TMEM38B: variants seen among roughly 807,000 people sequenced by gnomAD.
TMEM38B encodes trimeric intracellular cation channel type B.
In TMEM38B, 24 loss-of-function variants were observed where a neutral mutation model predicts 28.7. The ratio of observed to expected loss-of-function variants is 0.84; its 90% CI spans 0.61 to 1.18. The LOEUF is 1.18. Ranked by LOEUF, TMEM38B falls within the 50% of genes most tolerant of loss-of-function variation. The probability of loss-of-function intolerance (pLI) is 0.00; values close to 1 mark genes in which losing one functional copy is unlikely to be tolerated. For synonymous variants in TMEM38B, 131 were observed against 127.7 expected (o/e 1.03, Z -0.17); for missense variants, 380 against 350.9 (o/e 1.08, Z -0.66).
At chr9:105,712,817 C>G (rs1325878844) in intron 2 of TMEM38B, among the ~76,000 whole-genome samples, 1 of 152,232 alleles carries the variant, frequency 6.6e-6, no homozygotes, top group African/African-American at 2.4e-5. Flanking sequence ...CCACACCCCC[C>G]ACAGCCCACC....
chr9:105,703,907 C>T (rs1835549689), intron 1 of TMEM38B, among the ~76,000 whole-genome samples: 1 of 151,728 alleles, frequency 6.6e-6, no homozygotes, highest in South Asian at 2.1e-4. Context: ...TTGTTTTTTT[C>T]TTGTAAATTT....
chr9:105,764,867 C>T (rs1443048467), intron 5 of TMEM38B, among the ~76,000 whole-genome samples: 1 of 151,944 alleles, frequency 6.6e-6, no homozygotes, highest in Admixed American at 6.6e-5. Context: ...CAGCATGATA[C>T]TGTTACCAAA....
At position 105,756,169 on chromosome 9, in the gene TMEM38B, A is replaced by G. The variant is rs578246176; in HGVS notation, c.660+7979A>G. 4.6e-5 allele frequency among the ~76,000 whole-genome samples: 7 copies of G among 152,338 alleles called. No homozygotes were observed. The South Asian group carries it at 1.4e-3, about 32-fold the overall frequency. On this transcript the variant is annotated intron_variant, in intron 5 of 5. Coordinates refer to ENST00000374692, the MANE Select transcript of TMEM38B (RefSeq NM_018112.3). Reference sequence around the variant, plus strand: ...GTCTCAAAAAACAAATAAATAAATAATAAAATAGAAGGTAGATTCCTTAGG... The same window carrying G: ...GTCTCAAAAAACAAATAAATAAATAGTAAAATAGAAGGTAGATTCCTTAGG...
intron 4 of TMEM38B, among the ~76,000 whole-genome samples, chr9:105,723,981 G>A (rs575457003): frequency 2.3e-4 from 35 of 152,220 alleles, no homozygotes; most frequent in Middle Eastern, 3.4e-3. Context: ...GATTTTGGGC[G>A]TGTGCCACCA....
intron 1 of TMEM38B, among the ~76,000 whole-genome samples, chr9:105,696,313 A>C (rs1488947600): frequency 1.3e-5 from 2 of 152,092 alleles, no homozygotes; most frequent in Non-Finnish European, 2.9e-5. Flanking sequence ...TTTGAGACGG[A>C]GTCTCTCTGT....
chr9:105,716,374 T>TTGTGTGTG (rs139155061), intron 2 of TMEM38B, among the ~76,000 whole-genome samples: 5,793 of 150,684 alleles, frequency 0.038, 176 homozygotes, highest in Middle Eastern at 0.092. Flanking sequence ...GTTGTAGCAT[T>TTGTGTGTG]TGTGTGTGTG....
At chr9:105,706,072 G>A (rs145289337) in intron 2 of TMEM38B, among the ~76,000 whole-genome samples, 43 of 152,014 alleles carry the variant, frequency 2.8e-4, no homozygotes, top group Admixed American at 7.9e-4. Context: ...GCTAATTTTT[G>A]TATTTTTGTA....
intron 5 of TMEM38B, among the ~76,000 whole-genome samples, chr9:105,767,181 C>G (rs940352502): frequency 6.6e-6 from 1 of 151,530 alleles, no homozygotes; most frequent in African/African-American, 2.4e-5. Flanking sequence ...GAAGTTGTTA[C>G]AACACTGTTT....
At chr9:105,702,926 C>T (rs578082945) in intron 1 of TMEM38B, 1 of 152,208 alleles carries the variant, frequency 6.6e-6, no homozygotes, top group South Asian at 2.1e-4. Context: ...GCAATCCTCC[C>T]AGCTTGGCCT....
chr9:105,728,714 A>G (rs1041103615), intron 4 of TMEM38B, among the ~76,000 whole-genome samples: 4 of 151,796 alleles, frequency 2.6e-5, no homozygotes, highest in Admixed American at 1.3e-4. Context: ...CAGTGTTCCT[A>G]TTTCTCCACA....
At chr9:105,699,903 T>TG (rs1436108857) in intron 1 of TMEM38B, among the ~76,000 whole-genome samples, 6 of 152,204 alleles carry the variant, frequency 3.9e-5, no homozygotes, top group African/African-American at 1.4e-4. Flanking sequence ...GAATATGCTG[T>TG]TTTGGTGGTT....
chr9:105,751,448 T>C (rs1837647553), intron 5 of TMEM38B, among the ~76,000 whole-genome samples: 1 of 151,634 alleles, frequency 6.6e-6, no homozygotes, highest in South Asian at 2.1e-4. Context: ...CTGTGTGGAG[T>C]TTTGGCAGAG....
chr9:105,740,979 T>A (rs1837183367), intron 4 of TMEM38B, among the ~76,000 whole-genome samples: 1 of 148,404 alleles, frequency 6.7e-6, no homozygotes, highest in African/African-American at 2.6e-5. Context: ...TATGGGAACA[T>A]GTTCTTTGCA....
intron 2 of TMEM38B, among the ~76,000 whole-genome samples, chr9:105,718,340 G>A (rs1052311132): frequency 2.0e-5 from 3 of 151,808 alleles, no homozygotes; most frequent in African/African-American, 7.3e-5. Flanking sequence ...CTGGGTTCAA[G>A]TGATTCTCCT....
chr9:105,703,496 C>T (rs1157786054), intron 1 of TMEM38B, among the ~76,000 whole-genome samples: 5 of 152,162 alleles, frequency 3.3e-5, no homozygotes, highest in Non-Finnish European at 7.3e-5. Flanking sequence ...TGAATAATGC[C>T]GCAATAAACA....
intron 2 of TMEM38B, among the ~76,000 whole-genome samples, chr9:105,708,955 G>A (rs1236141377): frequency 6.8e-6 from 1 of 147,742 alleles, no homozygotes; most frequent in Non-Finnish European, 1.5e-5. Flanking sequence ...TTTTATATTT[G>A]TTGAGATGAG....
At chr9:105,732,863 G>A (rs1370724777) in intron 4 of TMEM38B, among the ~76,000 whole-genome samples, 6 of 152,176 alleles carry the variant, frequency 3.9e-5, no homozygotes, top group African/African-American at 1.4e-4. Context: ...TTGGTAGGTT[G>A]ATGGGGATGA....
At chr9:105,709,704 G>C (rs768455867) in intron 2 of TMEM38B, among the ~76,000 whole-genome samples, 4 of 152,242 alleles carry the variant, frequency 2.6e-5, no homozygotes, top group Non-Finnish European at 2.9e-5. Flanking sequence ...ACCTGGGAAG[G>C]AGAGTAGTTA....
chr9:105,754,770 G>C (rs1241482778), intron 5 of TMEM38B, among the ~76,000 whole-genome samples: 4 of 152,102 alleles, frequency 2.6e-5, no homozygotes, highest in Non-Finnish European at 5.9e-5. Context: ...AAATAATCAA[G>C]ATCAGAGTTG....
Sources: allele counts gnomAD v4.1 joint callset (sites outside exome capture counted in the v4.1 genomes callset), GRCh38; gene constraint gnomAD v4.1.1; transcripts MANE v1.5; gene names NCBI Gene and HGNC (gene_info 2026-07-23, HGNC 2026-07-21).